The following CDH13 variants were observed in gnomAD, a reference collection of about 807,000 sequenced individuals.
The protein encoded by CDH13 is cadherin-13.
Under a neutral mutation model 63.8 loss-of-function variants are expected in CDH13, and 24 were observed. The ratio of observed to expected loss-of-function variants is 0.38; its 90% CI spans 0.27 to 0.53. CDH13 has a LOEUF of 0.53. CDH13 is among the 20% of genes least tolerant of loss of function. The probability of loss-of-function intolerance (pLI) is 0.85; values close to 1 mark genes in which losing one functional copy is unlikely to be tolerated. For missense variants in CDH13, 1,049 were observed against 903.1 expected (o/e 1.16, Z -2.07); for synonymous variants, 503 against 355.3 (o/e 1.42, Z -4.67).
At chr16:82,892,248 G>C (rs1022543902) in intron 2 of CDH13, among the ~76,000 whole-genome samples, 33 of 152,164 alleles carry the variant, frequency 2.2e-4, no homozygotes, top group Non-Finnish European at 7.3e-5. Context: ...GATGGTGGTG[G>C]ACGTACAAAA....
chr16:83,051,944 TG>T (rs2030384971), intron 3 of CDH13, among the ~76,000 whole-genome samples: 1 of 152,098 alleles, frequency 6.6e-6, no homozygotes, highest in Non-Finnish European at 1.5e-5. Context: ...ATTTTTTTTT[TG>T]TTGTTAACTT....
chr16:83,350,394 G>T (rs1284654268), intron 6 of CDH13, among the ~76,000 whole-genome samples: 1 of 152,204 alleles, frequency 6.6e-6, no homozygotes, highest in Non-Finnish European at 1.5e-5. Context: ...TTACCTAAAG[G>T]TGCACGTTCT....
chr16:82,839,221 A>C (rs1327170166), intron 1 of CDH13, among the ~76,000 whole-genome samples: 1 of 151,800 alleles, frequency 6.6e-6, no homozygotes, highest in Non-Finnish European at 1.5e-5. Flanking sequence ...CTTCTCAGGG[A>C]GCCCCCTCCA....
intron 3 of CDH13, among the ~76,000 whole-genome samples, chr16:83,039,638 C>A (rs1723691397): frequency 6.6e-6 from 1 of 152,144 alleles, no homozygotes; most frequent in Admixed American, 6.5e-5. Flanking sequence ...GTGTGTTCAC[C>A]ACTCTATCCT....
intron 2 of CDH13, chr16:82,884,636 C>T (rs1271940874): frequency 1.3e-5 from 2 of 155,186 alleles, no homozygotes; most frequent in African/African-American, 4.8e-5. Context: ...CTGAAATAAA[C>T]GTGTTAAATT....
At chr16:82,669,751 C>A (rs1269540248) in intron 1 of CDH13, among the ~76,000 whole-genome samples, 1 of 152,138 alleles carries the variant, frequency 6.6e-6, no homozygotes, top group African/African-American at 2.4e-5. Flanking sequence ...TGGACGGAAC[C>A]ATTTGCTCCC....
At chr16:83,161,777 T>G (rs909480835) in intron 4 of CDH13, among the ~76,000 whole-genome samples, 1 of 152,178 alleles carries the variant, frequency 6.6e-6, no homozygotes, top group Admixed American at 6.5e-5. Flanking sequence ...ACTAATTACA[T>G]TAATCAACAA....
intron 8 of CDH13, among the ~76,000 whole-genome samples, chr16:83,664,081 T>C (rs1195556178): frequency 1.3e-5 from 2 of 151,868 alleles, no homozygotes; most frequent in African/African-American, 4.8e-5. Flanking sequence ...CACTTGAGCC[T>C]AAGAAGTCAA....
chr16:82,947,598 G>T (rs755158383), intron 2 of CDH13, among the ~76,000 whole-genome samples: 2 of 152,018 alleles, frequency 1.3e-5, no homozygotes, highest in East Asian at 1.9e-4. Flanking sequence ...CATTTTAAAA[G>T]AACTCTTTAT....
At chr16:82,867,030 C>T (rs1374857555) in intron 2 of CDH13, among the ~76,000 whole-genome samples, 1 of 152,184 alleles carries the variant, frequency 6.6e-6, no homozygotes, top group Non-Finnish European at 1.5e-5. Context: ...ACAAGTATGG[C>T]CTCCCTGGCC....
At chr16:83,276,231 G>T (rs967458658) in intron 5 of CDH13, among the ~76,000 whole-genome samples, 4 of 152,108 alleles carry the variant, frequency 2.6e-5, no homozygotes, top group Admixed American at 2.0e-4. Context: ...CATTTATCAA[G>T]CTGATATCTG....
intron 4 of CDH13, among the ~76,000 whole-genome samples, chr16:83,199,408 CAG>C (rs2038962950): frequency 5.3e-5 from 8 of 152,196 alleles, no homozygotes; most frequent in Admixed American, 5.2e-4. Flanking sequence ...TGGATGATTT[CAG>C]AGTGTTCTGT....
At chr16:83,658,737 G>C (rs1913135930) in intron 8 of CDH13, among the ~76,000 whole-genome samples, 3 of 141,642 alleles carry the variant, frequency 2.1e-5, no homozygotes, top group African/African-American at 8.1e-5. Flanking sequence ...CTCACCACCA[G>C]GTCCCATGTC....
intron 6 of CDH13, among the ~76,000 whole-genome samples, chr16:83,423,741 C>T (rs570623295): frequency 6.6e-6 from 1 of 152,260 alleles, no homozygotes; most frequent in East Asian, 1.9e-4. Context: ...AGGATCAAAA[C>T]ATGTGTTTCT....
At chr16:83,461,537 G>C (rs2073182041) in intron 6 of CDH13, among the ~76,000 whole-genome samples, 1 of 152,156 alleles carries the variant, frequency 6.6e-6, no homozygotes. Flanking sequence ...TTGTTAAACA[G>C]CAATTCATGC....
chr16:83,761,667 A>G (rs1454133103), intron 11 of CDH13, among the ~76,000 whole-genome samples: 1 of 152,156 alleles, frequency 6.6e-6, no homozygotes, highest in Non-Finnish European at 1.5e-5. Flanking sequence ...TTACACCTCC[A>G]TTCAGATTAT....
intron 5 of CDH13, among the ~76,000 whole-genome samples, chr16:83,281,167 G>T (rs2089160384): frequency 6.6e-6 from 1 of 152,222 alleles, no homozygotes; most frequent in Non-Finnish European, 1.5e-5. Flanking sequence ...ATTGTTTAGT[G>T]TAGCCACTTT....
intron 2 of CDH13, among the ~76,000 whole-genome samples, chr16:82,908,087 G>A (rs2041706849): frequency 6.6e-6 from 1 of 151,822 alleles, no homozygotes; most frequent in Admixed American, 6.6e-5. Flanking sequence ...TTATTTTATT[G>A]GACCACACTA....
At chr16:83,203,810 T>G (rs2039103043) in intron 4 of CDH13, among the ~76,000 whole-genome samples, 2 of 152,136 alleles carry the variant, frequency 1.3e-5, no homozygotes, top group African/African-American at 4.8e-5. Context: ...AAGTGAAGTT[T>G]GGCAAGTTAG....
Sources: allele counts gnomAD v4.1 joint callset (sites outside exome capture counted in the v4.1 genomes callset), GRCh38; gene constraint gnomAD v4.1.1; transcripts MANE v1.5; gene names NCBI Gene and HGNC (gene_info 2026-07-23, HGNC 2026-07-21).